Variants in PDZRN3 observed in about 807,000 individuals in gnomAD.
PDZRN3 encodes E3 ubiquitin-protein ligase PDZRN3.
Under a neutral mutation model 85.7 loss-of-function variants are expected in PDZRN3, and 38 were observed. The ratio of observed to expected loss-of-function variants is 0.44; its 90% CI spans 0.34 to 0.58. The LOEUF is 0.58. PDZRN3 is among the 20% of genes least tolerant of loss of function. The pLI is 0.01. For missense variants in PDZRN3, 1,629 were observed against 1,506.4 expected, an observed-to-expected ratio of 1.08 and a Z score of -1.35; for synonymous variants, 759 against 638.0, an observed-to-expected ratio of 1.19 and a Z score of -2.86.
intron 3 of PDZRN3, among the ~76,000 whole-genome samples, chr3:73,530,011 C>G (rs576945490): frequency 6.6e-6 from 1 of 152,316 alleles, no homozygotes; most frequent in South Asian, 2.1e-4. Flanking sequence ...CTGTCACCAT[C>G]ATCATCATCA....
At chr3:73,536,596 G>A (rs1479238368) in intron 3 of PDZRN3, among the ~76,000 whole-genome samples, 1 of 152,202 alleles carries the variant, frequency 6.6e-6, no homozygotes, top group Admixed American at 6.5e-5. Flanking sequence ...GGAGCATTGA[G>A]AACTTATTTT....
intron 3 of PDZRN3, among the ~76,000 whole-genome samples, chr3:73,404,717 T>C (rs1701820466): frequency 2.0e-5 from 3 of 152,244 alleles, no homozygotes; most frequent in Admixed American, 6.5e-5. Context: ...GCTCCGAGCC[T>C]TTATCAGGCA....
At chr3:73,561,609 C>CT (rs1165985658) in intron 3 of PDZRN3, 1 of 152,172 alleles carries the variant, frequency 6.6e-6, no homozygotes, top group Non-Finnish European at 1.5e-5. Context: ...ACTTGCAAGG[C>CT]TATTATATAA....
At chr3:73,393,424 C>T (rs1175157280) in intron 5 of PDZRN3, among the ~76,000 whole-genome samples, 1 of 152,118 alleles carries the variant, frequency 6.6e-6, no homozygotes, top group Admixed American at 6.5e-5. Flanking sequence ...GGGAAGTGTT[C>T]AGAAACCTCT....
At chr3:73,525,966 T>A (rs1261509252) in intron 3 of PDZRN3, among the ~76,000 whole-genome samples, 2 of 152,204 alleles carry the variant, frequency 1.3e-5, no homozygotes, top group Non-Finnish European at 2.9e-5. Context: ...TGTCAGTAGA[T>A]GGAGCCACAC....
chr3:73,624,192 T>C lies in PDZRN3; in HGVS notation c.634A>G (p.Thr212Ala). The C allele has an allele frequency of 6.7e-7, 1 of 1,499,884 alleles. No homozygotes were observed. The highest frequency in any genetic ancestry group is 8.8e-7 in the Non-Finnish European group (1 of 1,130,094). 92.9% of individuals were successfully genotyped at this position (1,499,884 alleles called of 1,614,324 possible). The change falls in exon 1 of 10, where the codon ACC becomes GCC. Residue 212 changes from threonine to alanine, a missense_variant. By Grantham distance (58) the Thr-to-Ala change is moderately conservative. Coordinates refer to ENST00000263666, the MANE Select transcript of PDZRN3 (RefSeq NM_015009.3). Reference sequence around the variant, plus strand: ...AATTTCTTCTGGTAGCGCAGCGCGGTCATCTGCAGCTCAAGCTGCGCCGCG... The same window carrying C: ...AATTTCTTCTGGTAGCGCAGCGCGGCCATCTGCAGCTCAAGCTGCGCCGCG... Reference protein sequence around the residue: ...LAAAQLELQMTALRYQKKFTE... With the variant: ...LAAAQLELQMAALRYQKKFTE...
At chr3:73,461,886 G>C (rs1703111345) in intron 3 of PDZRN3, among the ~76,000 whole-genome samples, 1 of 152,148 alleles carries the variant, frequency 6.6e-6, no homozygotes, top group Admixed American at 6.5e-5. Context: ...TTAATTGCCT[G>C]GTTGTCATCT....
chr3:73,387,184 C>T (rs1463336101), intron 8 of PDZRN3, among the ~76,000 whole-genome samples: 1 of 152,120 alleles, frequency 6.6e-6, no homozygotes, highest in Non-Finnish European at 1.5e-5. Flanking sequence ...CCTCTTTTTT[C>T]TTTATAAATT....
chr3:73,427,041 T>C (rs1337050564), intron 3 of PDZRN3, among the ~76,000 whole-genome samples: 1 of 152,130 alleles, frequency 6.6e-6, no homozygotes, highest in Non-Finnish European at 1.5e-5. Flanking sequence ...ATGAATATCA[T>C]CAAATGTATT....
chr3:73,485,247 A>C (rs1447138382), intron 3 of PDZRN3, among the ~76,000 whole-genome samples: 1 of 151,640 alleles, frequency 6.6e-6, no homozygotes, highest in African/African-American at 2.4e-5. Context: ...TCTGACATAC[A>C]GATTCAGCAC....
chr3:73,605,207 CAAAA>C (rs767574608), intron 2 of PDZRN3, among the ~76,000 whole-genome samples: 1 of 96,450 alleles, frequency 1.0e-5, no homozygotes, highest in Admixed American at 1.2e-4. Context: ...ACCCCCGTCT[CAAAA>C]AAAAAAAAAA....
rs112223559 is a variant in PDZRN3 at position 73,562,236 on chromosome 3, TAA to T, written c.918+40116_918+40117del. Among the ~76,000 whole-genome samples, 13 of 152,036 alleles carry T rather than the reference TAA, an allele frequency of 8.6e-5. No homozygotes were observed. In the South Asian group the frequency reaches 2.5e-3, roughly 29 times the overall value. ...CCTTAACACATTAATGTCCCACAGA[TAA>T]AAAAAGAGTCATGAGAATACCATTA... On this transcript the variant is annotated intron_variant, in intron 3 of 9. Transcript: ENST00000263666.
chr3:73,389,962 AC>A, intron 6 of PDZRN3, 84 bp from the exon 7 acceptor site: 2 of 958,308 alleles, frequency 2.1e-6, no homozygotes, highest in South Asian at 1.3e-5. Context: ...TTTCTAAAAC[AC>A]AGTCATGCTC....
At chr3:73,578,882 G>A (rs1464645504) in intron 3 of PDZRN3, among the ~76,000 whole-genome samples, 1 of 152,116 alleles carries the variant, frequency 6.6e-6, no homozygotes, top group Non-Finnish European at 1.5e-5. Flanking sequence ...CAGGCACTTG[G>A]TTTGCTAAAA....
chr3:73,483,476 T>C (rs897286668), intron 3 of PDZRN3, among the ~76,000 whole-genome samples: 1 of 152,236 alleles, frequency 6.6e-6, no homozygotes, highest in African/African-American at 2.4e-5. Context: ...AAATGTATTT[T>C]TGCATTTTCC....
At chr3:73,435,491 A>G (rs1443924076) in intron 3 of PDZRN3, among the ~76,000 whole-genome samples, 2 of 152,222 alleles carry the variant, frequency 1.3e-5, no homozygotes, top group East Asian at 3.8e-4. Flanking sequence ...AATAATAGGT[A>G]TGATGCTAAT....
At chr3:73,422,259 C>CA (rs1702218993) in intron 3 of PDZRN3, among the ~76,000 whole-genome samples, 1 of 152,178 alleles carries the variant, frequency 6.6e-6, no homozygotes. Flanking sequence ...TCACTGGAGT[C>CA]AGACAGTCCT....
At chr3:73,434,720 G>C (rs1157208510) in intron 3 of PDZRN3, among the ~76,000 whole-genome samples, 1 of 152,170 alleles carries the variant, frequency 6.6e-6, no homozygotes, top group Non-Finnish European at 1.5e-5. Flanking sequence ...ATCTGTATCT[G>C]ATGTTCCATA....
At chr3:73,395,428 T>C (rs965978639) in intron 5 of PDZRN3, among the ~76,000 whole-genome samples, 1 of 152,238 alleles carries the variant, frequency 6.6e-6, no homozygotes, top group African/African-American at 2.4e-5. Flanking sequence ...CTTACTGGTC[T>C]AGATGGACTG....
Sources: allele counts gnomAD v4.1 joint callset (sites outside exome capture counted in the v4.1 genomes callset), GRCh38; gene constraint gnomAD v4.1.1; transcripts MANE v1.5; gene names NCBI Gene and HGNC (gene_info 2026-07-23, HGNC 2026-07-21).